MECOM: variants seen among roughly 807,000 people sequenced by gnomAD.
MECOM encodes histone-lysine N-methyltransferase MECOM.
A neutral mutation model predicts 116.3 loss-of-function variants in MECOM; 13 were observed. The observed-to-expected ratio is 0.11, with a 90% CI of 0.07 to 0.18. The LOEUF (loss-of-function observed/expected upper bound fraction) is 0.18. Among genes scored for constraint, MECOM ranks in the 10% least tolerant of loss-of-function variants. The probability of loss-of-function intolerance (pLI) is 1.00; values close to 1 mark genes in which losing one functional copy is unlikely to be tolerated. For synonymous variants in MECOM, 528 were observed against 535.2 expected (o/e 0.99, Z 0.19); for missense variants, 1,299 against 1,509.0 (o/e 0.86, Z 2.31).
chr3:169,636,153 A>G (rs193079390), intron 1 of MECOM, among the ~76,000 whole-genome samples: 32 of 152,340 alleles, frequency 2.1e-4, no homozygotes, highest in African/African-American at 7.0e-4. Flanking sequence ...GCCATCCACT[A>G]GTCTCCCCAA....
intron 2 of MECOM, among the ~76,000 whole-genome samples, chr3:169,248,502 GAA>G (rs1755862269): frequency 1.3e-5 from 2 of 152,122 alleles, no homozygotes; most frequent in Non-Finnish European, 2.9e-5. Flanking sequence ...ACTGTTCTAG[GAA>G]TACCCTTTTG....
At chr3:169,331,711 G>C (rs780797282) in intron 2 of MECOM, among the ~76,000 whole-genome samples, 18 of 152,028 alleles carry the variant, frequency 1.2e-4, no homozygotes, top group Non-Finnish European at 1.3e-4. Flanking sequence ...AAAATTCAAA[G>C]GGCTTTCCAG....
intron 1 of MECOM, among the ~76,000 whole-genome samples, chr3:169,432,970 T>C (rs543894584): frequency 2.4e-4 from 36 of 152,330 alleles, no homozygotes; most frequent in African/African-American, 7.9e-4. Flanking sequence ...AAGCTCATAT[T>C]TGATTTCCTT....
intron 1 of MECOM, among the ~76,000 whole-genome samples, chr3:169,618,781 T>C (rs1465984620): frequency 1.3e-5 from 2 of 152,216 alleles, no homozygotes; most frequent in Non-Finnish European, 1.5e-5. Flanking sequence ...TAATATTAAT[T>C]TGCCTTTTGC....
At chr3:169,656,680 G>C (rs1485581562) in intron 1 of MECOM, among the ~76,000 whole-genome samples, 4 of 152,082 alleles carry the variant, frequency 2.6e-5, no homozygotes, top group Non-Finnish European at 5.9e-5. Context: ...TTTTGTCTTG[G>C]CTTTGAGTTC....
At chr3:169,508,804 G>A (rs935737526) in intron 1 of MECOM, among the ~76,000 whole-genome samples, 1 of 152,130 alleles carries the variant, frequency 6.6e-6, no homozygotes, top group Non-Finnish European at 1.5e-5. Flanking sequence ...CTATTACATG[G>A]CTTCTTTTAT....
intron 1 of MECOM, among the ~76,000 whole-genome samples, chr3:169,661,313 C>T (rs58814415): frequency 3.4e-5 from 5 of 146,454 alleles, no homozygotes; most frequent in Non-Finnish European, 7.4e-5. Flanking sequence ...ACTCCCCCCC[C>T]CACACACACA....
At chr3:169,525,173 A>G in intron 1 of MECOM, among the ~76,000 whole-genome samples, 1 of 152,238 alleles carries the variant, frequency 6.6e-6, no homozygotes, top group East Asian at 1.9e-4. Flanking sequence ...GCAATGAGTA[A>G]TAATTGCCTA....
rs561286937 is a variant in MECOM at position 169,475,890 on chromosome 3, GT to G, written c.38-94367del. On this transcript the variant is annotated intron_variant, in intron 1 of 16. Coordinates refer to ENST00000651503, the MANE Select transcript of MECOM (RefSeq NM_004991.4). ...CAAAGATAATTCTTGCTCATGTTGG[GT>G]TTTTTTTTATTGCAACAGTATAAAA... Among the ~76,000 whole-genome samples the G allele has an allele frequency of 2.5e-4, 38 of 151,420 alleles. No individual in the cohort carries two copies. The South Asian group carries it at 5.7e-3, about 23-fold the overall frequency.
At chr3:169,567,055 C>A (rs926651277) in intron 1 of MECOM, among the ~76,000 whole-genome samples, 1 of 152,188 alleles carries the variant, frequency 6.6e-6, no homozygotes, top group Non-Finnish European at 1.5e-5. Flanking sequence ...TGGTTTATGT[C>A]GTTGCCTCAA....
At chr3:169,401,259 C>T (rs1292251570) in intron 1 of MECOM, among the ~76,000 whole-genome samples, 14 of 152,128 alleles carry the variant, frequency 9.2e-5, no homozygotes, top group Admixed American at 9.2e-4. Context: ...AGCTAGGTTC[C>T]CCTACTCAAA....
At chr3:169,479,330 GAGGCGTCTAGGA>G (rs1445978889) in intron 1 of MECOM, among the ~76,000 whole-genome samples, 1 of 151,674 alleles carries the variant, frequency 6.6e-6, no homozygotes, top group Non-Finnish European at 1.5e-5. Flanking sequence ...GAAGGAAAGG[GAGGCGTCTAGGA>G]ACAGTATCTC....
chr3:169,446,292 G>T (rs1008803716), intron 1 of MECOM, among the ~76,000 whole-genome samples: 2 of 152,034 alleles, frequency 1.3e-5, no homozygotes, highest in African/African-American at 4.8e-5. Context: ...ATTGAATCAT[G>T]GGGGCCAGTC....
chr3:169,244,708 C>T (rs1400861504), intron 2 of MECOM, among the ~76,000 whole-genome samples: 1 of 152,112 alleles, frequency 6.6e-6, no homozygotes, highest in East Asian at 1.9e-4. Flanking sequence ...AACCCAGAGG[C>T]GTGTACTAAA....
chr3:169,169,584 C>A (rs1441169854), intron 2 of MECOM, among the ~76,000 whole-genome samples: 1 of 151,918 alleles, frequency 6.6e-6, no homozygotes, highest in African/African-American at 2.4e-5. Flanking sequence ...TATTCAGTAC[C>A]CATGGAAAAG....
intron 3 of MECOM, among the ~76,000 whole-genome samples, chr3:169,142,509 A>C (rs1316548002): frequency 6.6e-6 from 1 of 151,962 alleles, no homozygotes; most frequent in Admixed American, 6.6e-5. Context: ...TCTGTTCACA[A>C]TCAATAGCTA....
intron 1 of MECOM, among the ~76,000 whole-genome samples, chr3:169,433,169 A>G (rs1397568464): frequency 5.3e-5 from 8 of 152,166 alleles, no homozygotes; most frequent in African/African-American, 1.9e-4. Flanking sequence ...TGTTGTCATG[A>G]TGAAATTTCT....
At chr3:169,275,334 T>C (rs1759443626) in intron 2 of MECOM, among the ~76,000 whole-genome samples, 1 of 152,228 alleles carries the variant, frequency 6.6e-6, no homozygotes, top group South Asian at 2.1e-4. Context: ...GAGCCAACTA[T>C]ACATTTTCTA....
chr3:169,528,611 A>G (rs1758219721), intron 1 of MECOM, among the ~76,000 whole-genome samples: 1 of 152,246 alleles, frequency 6.6e-6, no homozygotes. Flanking sequence ...TGAATGAATA[A>G]AATGGAAATA....
Sources: gnomAD v4.1 joint callset for allele counts (sites outside exome capture counted in the v4.1 genomes callset) on GRCh38, gnomAD v4.1.1 for gene constraint, MANE v1.5 for transcripts, NCBI Gene and HGNC (gene_info 2026-07-23, HGNC 2026-07-21) for gene names.